RAMP3: variants seen among roughly 807,000 people sequenced by gnomAD.
RAMP3 encodes receptor activity modifying protein 3, also known as receptor activity-modifying protein 3.
In RAMP3, 14 loss-of-function variants were observed where a neutral mutation model predicts 13.5. The ratio of observed to expected loss-of-function variants is 1.04; its 90% confidence interval spans 0.69 to 1.63. The LOEUF is 1.63. Ranked by LOEUF, RAMP3 falls within the 40% of genes most tolerant of loss-of-function variation. The pLI is 0.00. For missense variants in RAMP3, 200 were observed against 204.8 expected, an observed-to-expected ratio of 0.98 and a Z score of 0.14; for synonymous variants, 106 against 88.3, an observed-to-expected ratio of 1.20 and a Z score of -1.12.
At chr7:45,167,326 A>G (rs1258356755) in intron 1 of RAMP3, among the ~76,000 whole-genome samples, 1 of 152,152 alleles carries the variant, frequency 6.6e-6, no homozygotes, top group Non-Finnish European at 1.5e-5. Context: ...TGGCAAGTGT[A>G]TATCCAGTTG....
intron 2 of RAMP3, among the ~76,000 whole-genome samples, chr7:45,182,573 G>T (rs1274492121): frequency 6.6e-6 from 1 of 152,140 alleles, no homozygotes; most frequent in Non-Finnish European, 1.5e-5. Flanking sequence ...CCACAGGAGG[G>T]GGCTCCACAT....
In RAMP3 at chr7:45,157,904, C is replaced by G. The variant is rs1335727934; in HGVS notation, c.58+18C>G. On this transcript the variant is annotated intron_variant, in intron 1 of 2. Transcript: ENST00000242249. Reference sequence around the variant, plus strand: ...GCTCTGCGGTAAGGGGGCGACGGCCCGCACCGGGGGCGCCCCCACTCCTCG... The same window carrying G: ...GCTCTGCGGTAAGGGGGCGACGGCCGGCACCGGGGGCGCCCCCACTCCTCG... 2 of 1,351,274 alleles carry G rather than the reference C, an allele frequency of 1.5e-6. No individual in the cohort carries two copies. Among genetic ancestry groups the G allele is most frequent in the African/African-American group, 3.1e-5 (2 of 65,146 alleles). 83.7% of individuals were successfully genotyped at this position (1,351,274 alleles called of 1,614,324 possible). A position where few individuals can be genotyped will look rare whatever the true frequency, so the allele number is the denominator to read the frequency against.
At chr7:45,172,189 A>G (rs1236768170) in intron 1 of RAMP3, among the ~76,000 whole-genome samples, 1 of 152,172 alleles carries the variant, frequency 6.6e-6, no homozygotes, top group East Asian at 1.9e-4. Context: ...ACCTCCTGCA[A>G]CCTGGAGCTG....
At chr7:45,171,915 T>G (rs1452888262) in intron 1 of RAMP3, among the ~76,000 whole-genome samples, 2 of 152,224 alleles carry the variant, frequency 1.3e-5, no homozygotes, top group Non-Finnish European at 2.9e-5. Context: ...TGTATTGGAC[T>G]GGGGGATAGG....
Position 45,182,409 on chromosome 7 carries a change from G to A in RAMP3, c.192-748G>A, listed in dbSNP as rs982658064. 2.0e-5 allele frequency among the ~76,000 whole-genome samples: 3 copies of A among 152,236 alleles called. No individual in the cohort carries two copies. In the East Asian group the frequency reaches 5.8e-4, roughly 29 times the overall value. On this transcript the variant is annotated intron_variant, in intron 2 of 2. Transcript: ENST00000242249. ...TGCCCATTGGAACAGGTGGTGGCTG[G>A]GAAGTCCTTTATGCTGAGTTGACCT...
At chr7:45,164,776 C>T (rs997339468) in intron 1 of RAMP3, among the ~76,000 whole-genome samples, 59 of 152,192 alleles carry the variant, frequency 3.9e-4, no homozygotes, top group African/African-American at 1.4e-3. Flanking sequence ...GCCACTCCAT[C>T]TTTCTTTTGA....
intron 1 of RAMP3, among the ~76,000 whole-genome samples, chr7:45,158,425 A>G (rs1367945172): frequency 3.3e-5 from 5 of 151,970 alleles, no homozygotes; most frequent in Non-Finnish European, 7.4e-5. Context: ...AAGCGGGGCG[A>G]CTCTCTGAGC....
chr7:45,175,311 C>T, intron 1 of RAMP3, among the ~76,000 whole-genome samples: 1 of 152,194 alleles, frequency 6.6e-6, no homozygotes. Context: ...TGTGTCCTTG[C>T]CATCTGCTTA....
intron 1 of RAMP3, among the ~76,000 whole-genome samples, chr7:45,170,799 A>G (rs1167981708): frequency 6.6e-6 from 1 of 152,024 alleles, no homozygotes; most frequent in Non-Finnish European, 1.5e-5. Flanking sequence ...GTGTGCCACT[A>G]TGCCTGGCTA....
In RAMP3 at chr7:45,183,456, G is replaced by T. The variant is rs746273283; in HGVS notation, c.*44G>T. ...GTGGGTCACACCTGGCAAGCTGGAA[G>T]AAAGTTCCCTGGGGATGGGAGAGCG... On this transcript the variant is annotated 3_prime_UTR_variant, in exon 3 of 3. Coordinates refer to ENST00000242249, the MANE Select transcript of RAMP3 (RefSeq NM_005856.3). 1.8e-5 allele frequency: 28 copies of T among 1,599,218 alleles called. No individual in the cohort carries two copies. Among genetic ancestry groups the T allele is most frequent in the Non-Finnish European group, 2.0e-5 (24 of 1,174,894 alleles).
chr7:45,178,838 C>G (rs777617008), intron 2 of RAMP3, among the ~76,000 whole-genome samples: 1 of 152,196 alleles, frequency 6.6e-6, no homozygotes, highest in African/African-American at 2.4e-5. Flanking sequence ...GTGGAGGCAA[C>G]CCGATGGGCA....
At chr7:45,179,894 T>C (rs1051030084) in intron 2 of RAMP3, among the ~76,000 whole-genome samples, 2 of 151,944 alleles carry the variant, frequency 1.3e-5, no homozygotes, top group African/African-American at 4.8e-5. Flanking sequence ...AAAAATGAGC[T>C]CTAGGTTGGA....
intron 1 of RAMP3, among the ~76,000 whole-genome samples, chr7:45,166,336 C>A (rs1196603992): frequency 1.3e-5 from 2 of 152,014 alleles, no homozygotes; most frequent in Non-Finnish European, 2.9e-5. Context: ...CGTCTGACTG[C>A]CTTTTTGATG....
At chr7:45,163,782 T>C (rs899051107) in intron 1 of RAMP3, 2 of 985,254 alleles carry the variant, frequency 2.0e-6, no homozygotes, top group African/African-American at 3.5e-5. Flanking sequence ...GAGGTCTCTG[T>C]CTTCTGGCTC....
intron 1 of RAMP3, among the ~76,000 whole-genome samples, chr7:45,173,478 T>C (rs1786118654): frequency 6.6e-6 from 1 of 152,182 alleles, no homozygotes; most frequent in Non-Finnish European, 1.5e-5. Flanking sequence ...CTCTCTAATA[T>C]TGCTTTTGTG....
intron 1 of RAMP3, among the ~76,000 whole-genome samples, chr7:45,172,879 CA>C (rs1423031489): frequency 2.0e-5 from 3 of 152,162 alleles, no homozygotes; most frequent in African/African-American, 4.8e-5. Flanking sequence ...CCATCCAGGT[CA>C]TGTGAATTTG....
chr7:45,179,175 T>A (rs545807234), intron 2 of RAMP3, among the ~76,000 whole-genome samples: 2 of 152,104 alleles, frequency 1.3e-5, no homozygotes, highest in African/African-American at 4.8e-5. Flanking sequence ...TGATACGCAT[T>A]ATCTTTTGCC....
At chr7:45,158,669 G>C (rs1388178488) in intron 1 of RAMP3, among the ~76,000 whole-genome samples, 1 of 81,096 alleles carries the variant, frequency 1.2e-5, no homozygotes, top group Non-Finnish European at 2.5e-5. Context: ...GCCAGTTCTG[G>C]GGGGGACATT....
intron 1 of RAMP3, chr7:45,163,320 C>T (rs1770309801): frequency 2.0e-6 from 2 of 985,334 alleles, no homozygotes; most frequent in Non-Finnish European, 2.4e-6. Flanking sequence ...CCCTACCAGC[C>T]TTATAGAAGA....
Sources: gnomAD v4.1 joint callset for allele counts (sites outside exome capture counted in the v4.1 genomes callset) on GRCh38, gnomAD v4.1.1 for gene constraint, MANE v1.5 for transcripts, NCBI Gene and HGNC (gene_info 2026-07-23, HGNC 2026-07-21) for gene names.